Variants in VPS13C observed in about 807,000 individuals in gnomAD.
VPS13C encodes the protein intermembrane lipid transfer protein VPS13C.
VPS13C carries 358 observed loss-of-function variants against 456.8 expected under a neutral mutation model. The ratio of observed to expected loss-of-function variants is 0.78; its 90% CI spans 0.72 to 0.86. VPS13C has a LOEUF of 0.86. Among genes scored for constraint, VPS13C ranks in the 40% least tolerant of loss-of-function variants. VPS13C has a pLI of 0.00. For synonymous variants in VPS13C, 1,578 were observed against 1,486.7 expected, an observed-to-expected ratio of 1.06 and a Z score of -1.41; for missense variants, 4,818 against 4,385.4, an observed-to-expected ratio of 1.10 and a Z score of -2.79.
At chr15:62,019,366 T>G (rs1320049298) in intron 9 of VPS13C, among the ~76,000 whole-genome samples, 1 of 152,168 alleles carries the variant, frequency 6.6e-6, no homozygotes, top group Non-Finnish European at 1.5e-5. Context: ...CTCTAGTTCT[T>G]TTAATTGTGA....
intron 1 of VPS13C, among the ~76,000 whole-genome samples, chr15:62,057,017 C>G (rs2048824929): frequency 1.3e-5 from 2 of 152,068 alleles, no homozygotes; most frequent in African/African-American, 4.8e-5. Context: ...CCGGTCTCCG[C>G]GCATTGGTGG....
intron 1 of VPS13C, among the ~76,000 whole-genome samples, chr15:62,057,107 A>G (rs143772984): frequency 0.011 from 1,697 of 152,006 alleles, 30 homozygotes; most frequent in African/African-American, 0.039. Context: ...TCGTCGCCGC[A>G]CACAGGGAGA....
At chr15:61,890,670 A>G (rs1169153069) in intron 66 of VPS13C, among the ~76,000 whole-genome samples, 1 of 152,224 alleles carries the variant, frequency 6.6e-6, no homozygotes, top group Non-Finnish European at 1.5e-5. Context: ...GCAGGATTCA[A>G]GAGGATCCTT....
At chr15:61,960,828 C>T (rs1455224573) in intron 35 of VPS13C, among the ~76,000 whole-genome samples, 2 of 152,186 alleles carry the variant, frequency 1.3e-5, no homozygotes, top group African/African-American at 4.8e-5. Context: ...GTAATCTCAG[C>T]ACTTTGGGAG....
chr15:61,865,448 A>C, intron 81 of VPS13C: 1 of 984,784 alleles, frequency 1.0e-6, no homozygotes, highest in Non-Finnish European at 1.2e-6. Context: ...ACTAAAAAGC[A>C]AGAAATGCTG....
At position 61,917,772 on chromosome 15, in the gene VPS13C, G is replaced by A. The variant is rs555998924; in HGVS notation, c.7761-137C>T. 5.5e-5 allele frequency: 56 copies of A among 1,017,196 alleles called. No individual in the cohort carries two copies. The African/African-American group carries it at 8.5e-4, about 15-fold the overall frequency. The allele number at this position is 1,017,196 out of a possible 1,614,324, so 63.0% of individuals were successfully genotyped here. Reference sequence around the variant, plus strand: ...TACAGATATACAGATGAGGAAACCAGGGCTAAAAAAAAGGTTAGGAAATTC... The same window carrying A: ...TACAGATATACAGATGAGGAAACCAAGGCTAAAAAAAAGGTTAGGAAATTC... On this transcript the variant is annotated intron_variant, in intron 59 of 84. Coordinates refer to ENST00000644861, the MANE Select transcript of VPS13C (RefSeq NM_020821.3).
chr15:61,855,350 G>C (rs1321400061), intron 83 of VPS13C, among the ~76,000 whole-genome samples: 1 of 152,142 alleles, frequency 6.6e-6, no homozygotes, highest in Admixed American at 6.5e-5. Context: ...ATGTGAAAGA[G>C]AAGTGATAAC....
intron 65 of VPS13C, among the ~76,000 whole-genome samples, chr15:61,908,146 T>A (rs2140137791): frequency 6.6e-6 from 1 of 152,226 alleles, no homozygotes; most frequent in East Asian, 1.9e-4. Context: ...TTATTACAAT[T>A]TAAGAAGTAT....
In VPS13C at chr15:61,875,859, AAAATT is replaced by A. The variant is rs754410075; in HGVS notation, c.10225-19_10225-15del. 9 of 1,516,822 alleles carry A rather than the reference AAAATT, an allele frequency of 5.9e-6. No individual in the cohort carries two copies. Among genetic ancestry groups the A allele is most frequent in the African/African-American group, 4.3e-5 (3 of 70,548 alleles). The allele number at this position is 1,516,822 out of a possible 1,614,324, so 94.0% of individuals were successfully genotyped here. ...CTGTTTCAAGAACTAAAAAAGAAAA[AAAATT>A]AAATTAAGTCCTTCACAACTATTGT... On this transcript the variant is annotated splice_polypyrimidine_tract_variant and intron_variant, in intron 75 of 84. Transcript: ENST00000644861.
chr15:61,948,431 C>T (rs1045970601), intron 42 of VPS13C, among the ~76,000 whole-genome samples: 1 of 152,048 alleles, frequency 6.6e-6, no homozygotes, highest in Non-Finnish European at 1.5e-5. Context: ...CCTGTAACCC[C>T]AGCACTTTGG....
chr15:61,856,240 A>T lies in VPS13C; in HGVS notation c.11076+46T>A, dbSNP rs1372503411. 8 of 1,605,692 alleles carry T rather than the reference A, an allele frequency of 5.0e-6. No individual in the cohort carries two copies. In the East Asian group the frequency reaches 1.8e-4, roughly 36 times the overall value. On this transcript the variant is annotated intron_variant, in intron 83 of 84. Transcript: ENST00000644861. ...TGTGTAGTTAACTGCAAAACAGTCT[A>T]AAAGCAATGAACTCTTAGCTCTAAA...
intron 10 of VPS13C, among the ~76,000 whole-genome samples, chr15:62,013,488 G>T (rs771108686): frequency 6.6e-5 from 10 of 151,854 alleles, no homozygotes; most frequent in Non-Finnish European, 1.2e-4. Context: ...TAGCAGAGGA[G>T]TCTATGGTCA....
In VPS13C at chr15:61,981,426, C is replaced by A; in HGVS notation, c.2082G>T (p.Leu694=). 6.2e-7 allele frequency: 1 copy of A among 1,612,250 alleles called. No homozygotes were observed. Among genetic ancestry groups the A allele is most frequent in the Non-Finnish European group, 8.5e-7 (1 of 1,179,330 alleles). ...GTGGAACTACTAGATAAGAAGGCTT[C>A]AGATTTATCCTTAAATCAAGGACTT... The part of the protein sequence containing the change: ...TRKVLDLRIN[L]KPSYLVVPQT... Residue 694 remains leucine, a synonymous_variant, in exon 22 of 85, where the codon CTG becomes CTT. Coordinates refer to ENST00000644861, the MANE Select transcript of VPS13C (RefSeq NM_020821.3).
At chr15:62,055,712 C>T (rs2048770715) in intron 1 of VPS13C, among the ~76,000 whole-genome samples, 2 of 152,268 alleles carry the variant, frequency 1.3e-5, no homozygotes, top group South Asian at 4.1e-4. Context: ...TGATACCTTT[C>T]AGTCACTTAA....
chr15:61,923,115 A>G (rs1267824275), intron 53 of VPS13C, among the ~76,000 whole-genome samples: 3 of 152,072 alleles, frequency 2.0e-5, no homozygotes, highest in African/African-American at 7.2e-5. Flanking sequence ...ATGTAAACAA[A>G]TTCTTCATTT....
chr15:62,025,506 C>G (rs2047607432), intron 6 of VPS13C, among the ~76,000 whole-genome samples: 2 of 152,032 alleles, frequency 1.3e-5, no homozygotes, highest in African/African-American at 4.8e-5. Context: ...AAAACCATTC[C>G]ACTTGGCTAG....
intron 46 of VPS13C, among the ~76,000 whole-genome samples, chr15:61,941,144 G>C (rs1567028492): frequency 6.6e-6 from 1 of 152,238 alleles, no homozygotes; most frequent in Non-Finnish European, 1.5e-5. Context: ...ACTGGAAGAT[G>C]AAGAAAGTAA....
intron 65 of VPS13C, among the ~76,000 whole-genome samples, chr15:61,908,096 T>A (rs539330167): frequency 6.6e-6 from 1 of 152,154 alleles, no homozygotes; most frequent in Non-Finnish European, 1.5e-5. Context: ...TGAGTCAAAA[T>A]CTGCATCTTA....
chr15:61,929,378 A>G (rs2043976294), intron 51 of VPS13C, 123 bp downstream of exon 51: 2 of 1,288,632 alleles, frequency 1.6e-6, no homozygotes, highest in South Asian at 1.7e-5. Context: ...GTTTTTATAT[A>G]GAATATGTTT....
Sources: allele counts gnomAD v4.1 joint callset (sites outside exome capture counted in the v4.1 genomes callset), GRCh38; gene constraint gnomAD v4.1.1; transcripts MANE v1.5; gene names NCBI Gene and HGNC (gene_info 2026-07-23, HGNC 2026-07-21).